Variants in PRPF18 observed in about 807,000 individuals in gnomAD.
PRPF18 encodes pre-mRNA-splicing factor 18.
PRPF18 carries 38 observed loss-of-function variants against 46.5 expected under a neutral mutation model. That is an observed-to-expected ratio of 0.82 (90% CI 0.63 to 1.07). The LOEUF (loss-of-function observed/expected upper bound fraction) is 1.07. Ranked by LOEUF, PRPF18 falls within the 50% of genes least tolerant of loss-of-function variation. The probability of loss-of-function intolerance (pLI) is 0.00; values close to 1 mark genes in which losing one functional copy is unlikely to be tolerated. For missense variants in PRPF18, 263 were observed against 410.0 expected, an observed-to-expected ratio of 0.64 and a Z score of 3.10; for synonymous variants, 152 against 146.7, an observed-to-expected ratio of 1.04 and a Z score of -0.26.
At chr10:13,651,694 G>C in the PRPF18 span, 1 of 573,554 alleles carries the variant, frequency 1.7e-6, no homozygotes, top group Non-Finnish European at 3.1e-6. Context: ...TACTCTGGGG[G>C]TCTTTTCTGG....
chr10:13,652,088 T>TAC, the PRPF18 span: 1 of 732,122 alleles, frequency 1.4e-6, no homozygotes, highest in South Asian at 1.5e-5. Flanking sequence ...GGCTTGCTGA[T>TAC]TAGACACCTG....
At chr10:13,651,969 G>C in the PRPF18 span, 1 of 1,575,772 alleles carries the variant, frequency 6.3e-7, no homozygotes, top group Non-Finnish European at 8.7e-7. Context: ...GTTTTCTGTT[G>C]CTTCTCTGAA....
chr10:13,624,619 C>T (rs2080471257), intron 9 of PRPF18, among the ~76,000 whole-genome samples: 1 of 152,198 alleles, frequency 6.6e-6, no homozygotes, highest in Admixed American at 6.5e-5. Flanking sequence ...ATACTGAAAA[C>T]AGGAAAATTG....
chr10:13,591,368 A>G, intron 1 of PRPF18: 1 of 410,620 alleles, frequency 2.4e-6, no homozygotes, highest in Non-Finnish European at 4.3e-6. Flanking sequence ...TTTATGAAAT[A>G]ATTCTTACAA....
At chr10:13,636,293 G>T in the PRPF18 span, among the ~76,000 whole-genome samples, 1 of 152,120 alleles carries the variant, frequency 6.6e-6, no homozygotes, top group Non-Finnish European at 1.5e-5. Context: ...GTGGTGGCGC[G>T]CACGTGTAGT....
chr10:13,597,594 G>T (rs375598801), intron 2 of PRPF18, 59 bp downstream of exon 2: 2 of 1,597,578 alleles, frequency 1.3e-6, no homozygotes, highest in Non-Finnish European at 1.7e-6. Flanking sequence ...TTATACAGCT[G>T]TTGTTAAATG....
the PRPF18 span, chr10:13,643,731 T>C: frequency 1.3e-5 from 2 of 152,684 alleles, no homozygotes; most frequent in African/African-American, 4.8e-5. Context: ...AATGCTTTAA[T>C]AAGTGTTGAC....
the PRPF18 span, among the ~76,000 whole-genome samples, chr10:13,649,920 A>T: frequency 2.0e-5 from 3 of 152,214 alleles, no homozygotes; most frequent in South Asian, 6.2e-4. Context: ...CTGGGGCAGG[A>T]TGAAGATCTA....
Position 13,607,124 on chromosome 10 carries a change from C to T in PRPF18, c.363+1380C>T, listed in dbSNP as rs1233292478. On this transcript the variant is annotated intron_variant, in intron 4 of 9. Coordinates refer to ENST00000378572, the MANE Select transcript of PRPF18 (RefSeq NM_003675.4). ...TTTATTTTTTTGACACAGAGTCTCA[C>T]TCCGTCACCTACGCTGGAATGCGGT... Among the ~76,000 whole-genome samples, 12 of 152,186 alleles carry T rather than the reference C, an allele frequency of 7.9e-5. No homozygotes were observed. The South Asian group carries it at 2.5e-3, about 31-fold the overall frequency.
At chr10:13,591,148 A>G (rs2079955627) in intron 1 of PRPF18, among the ~76,000 whole-genome samples, 1 of 152,198 alleles carries the variant, frequency 6.6e-6, no homozygotes, top group Non-Finnish European at 1.5e-5. Flanking sequence ...GCATGATGTA[A>G]GGGAACATAC....
chr10:13,651,875 A>C, the PRPF18 span: 3 of 1,112,166 alleles, frequency 2.7e-6, no homozygotes, highest in Non-Finnish European at 2.8e-6. Context: ...ACTCATGGGC[A>C]GTAGGAACAA....
chr10:13,616,283 T>C, intron 8 of PRPF18, 115 bp from the exon 9 acceptor site: 1 of 1,080,972 alleles, frequency 9.3e-7, no homozygotes. Context: ...ATTTTCCATG[T>C]GCCCAAAAGG....
chr10:13,655,363 T>C, the PRPF18 span: 5 of 151,596 alleles, frequency 3.3e-5, no homozygotes, highest in Admixed American at 3.3e-4. Flanking sequence ...AAAACGTTGG[T>C]TCTTTATCTA....
intron 3 of PRPF18, among the ~76,000 whole-genome samples, chr10:13,602,834 G>C (rs2080132699): frequency 6.6e-6 from 1 of 152,188 alleles, no homozygotes; most frequent in Non-Finnish European, 1.5e-5. Flanking sequence ...CCGGGTTCAA[G>C]AGTTTCTGAA....
the PRPF18 span, chr10:13,649,506 A>G: frequency 7.4e-6 from 1 of 134,756 alleles, no homozygotes; most frequent in South Asian, 2.4e-4. Context: ...GAGGAGCCGC[A>G]GTATGGAAAC....
chr10:13,641,591 G>A, the PRPF18 span: 1 of 152,224 alleles, frequency 6.6e-6, no homozygotes, highest in South Asian at 2.1e-4. Flanking sequence ...CAAGAAGCCA[G>A]GGAAGAAAAA....
In PRPF18 at chr10:13,597,534, AG is replaced by A; in HGVS notation, c.144+1del. 1 of 1,610,574 alleles carries A rather than the reference AG, an allele frequency of 6.2e-7. No homozygotes were observed. ...GCATATTTTGAAAGATGTGGCTACA[AG>A]GTATGAATGTCTGCTTTTATGTTAA... Reference protein sequence around the residue: ...EEAYFERCGYKIQPKEEDQKP... With the variant: ...EEAYFERCGYXIQPKEEDQKP... On this transcript the variant is annotated frameshift_variant and splice_region_variant, in exon 2 of 10. Transcript: ENST00000378572. LOFTEE classifies it high-confidence loss of function.
intron 9 of PRPF18, among the ~76,000 whole-genome samples, chr10:13,625,320 C>A (rs7913389): frequency 1.3e-5 from 2 of 151,884 alleles, no homozygotes; most frequent in Non-Finnish European, 2.9e-5. Context: ...GAAAACAAAA[C>A]AAACAAAAAA....
At chr10:13,599,851 A>G (rs759531283) in intron 2 of PRPF18, among the ~76,000 whole-genome samples, 1 of 152,262 alleles carries the variant, frequency 6.6e-6, no homozygotes, top group Non-Finnish European at 1.5e-5. Flanking sequence ...AAGCCGAGCA[A>G]GAATCAAATA....
Sources: gnomAD v4.1 joint callset for allele counts (sites outside exome capture counted in the v4.1 genomes callset) on GRCh38, gnomAD v4.1.1 for gene constraint, MANE v1.5 for transcripts, NCBI Gene and HGNC (gene_info 2026-07-23, HGNC 2026-07-21) for gene names.